IFT74: variants seen among roughly 807,000 people sequenced by gnomAD.
IFT74 encodes intraflagellar transport protein 74 homolog.
Under a neutral mutation model 96.7 loss-of-function variants are expected in IFT74, and 92 were observed. That is an observed-to-expected ratio of 0.95 (90% CI 0.80 to 1.13). The LOEUF (loss-of-function observed/expected upper bound fraction) is 1.13, where lower values mean the gene tolerates loss of function less well. IFT74 is among the 50% of genes most tolerant of loss of function. The pLI is 0.00. For synonymous variants in IFT74, 223 were observed against 213.2 expected (o/e 1.05, Z -0.40); for missense variants, 811 against 698.2 (o/e 1.16, Z -1.82).
At chr9:26,996,358 C>T (rs769999681) in intron 8 of IFT74, 5 of 1,606,706 alleles carry the variant, frequency 3.1e-6, no homozygotes, top group Non-Finnish European at 4.3e-6. Flanking sequence ...TATTGAATTG[C>T]TGATGGGCTG....
At chr9:27,035,697 TAC>T (rs1819142840) in intron 13 of IFT74, among the ~76,000 whole-genome samples, 2 of 152,248 alleles carry the variant, frequency 1.3e-5, no homozygotes, top group African/African-American at 4.8e-5. Context: ...TTATATACAG[TAC>T]TCTGTTGGAA....
At chr9:26,999,790 T>G (rs1234009499) in intron 8 of IFT74, 8 of 812,254 alleles carry the variant, frequency 9.8e-6, no homozygotes, top group Non-Finnish European at 1.5e-5. Context: ...TTTTTTTTTT[T>G]TGGCTGAGAC....
intron 2 of IFT74, among the ~76,000 whole-genome samples, chr9:26,973,422 C>G (rs1826964356): frequency 1.3e-5 from 2 of 152,136 alleles, no homozygotes; most frequent in African/African-American, 4.8e-5. Context: ...ATTGCTTTCT[C>G]CTTACTATGT....
At chr9:26,951,758 G>A (rs1424798137), upstream of IFT74, among the ~76,000 whole-genome samples, 1 of 152,124 alleles carries the variant, frequency 6.6e-6, no homozygotes. Context: ...AATTAGCCGG[G>A]TGTGGTGGTA....
At chr9:26,994,603 T>C (rs1225930870) in intron 8 of IFT74, 1 of 152,252 alleles carries the variant, frequency 6.6e-6, no homozygotes, top group East Asian at 1.9e-4. Flanking sequence ...GTTTTTCCTG[T>C]AGTAATTTGA....
rs1441587357 is a variant in IFT74, at chr9:26,984,316, A to G, written c.365A>G (p.Tyr122Cys). Residue 122 changes from tyrosine (Y) to cysteine (C), a missense_variant, in exon 5 of 20, where the codon TAC becomes TGC. Physicochemically the swap from Tyr to Cys is radical, Grantham distance 194. Coordinates refer to ENST00000380062, the MANE Select transcript of IFT74 (RefSeq NM_025103.4). ...VNKLQKGIEM[Y>C]NQENSVYLSY... ...AAACTTCAGAAGGGAATAGAAATGT[A>G]CAATCAAGAGAATTCAGTATATTTG... 2.5e-6 allele frequency: 4 copies of G among 1,583,438 alleles called. No homozygotes were observed. Among genetic ancestry groups the G allele is most frequent in the East Asian group, 4.5e-5 (2 of 44,486 alleles).
At chr9:26,972,987 T>TA (rs1024685750) in intron 2 of IFT74, among the ~76,000 whole-genome samples, 2 of 152,194 alleles carry the variant, frequency 1.3e-5, no homozygotes, top group Admixed American at 1.3e-4. Context: ...CTTTTTCTGA[T>TA]ACTCGTTCTA....
chr9:27,055,663 T>C lies in IFT74; in HGVS notation c.1388T>C (p.Met463Thr). The change falls in exon 17 of 20, where the codon ATG becomes ACG. Residue 463 changes from methionine (M) to threonine (T), a missense_variant. Coordinates refer to ENST00000380062, the MANE Select transcript of IFT74 (RefSeq NM_025103.4). ...LQKMELLESK[M>T]TEEQHSLKSK... ...AAAATGGAGCTTCTAGAAAGTAAGA[T>C]GACTGAAGAACAGCATTCTCTAAAA... 6.3e-7 allele frequency: 1 copy of C among 1,592,604 alleles called. No homozygotes were observed. Among genetic ancestry groups the C allele is most frequent in the Non-Finnish European group, 8.5e-7 (1 of 1,171,970 alleles).
chr9:27,016,486 C>T (rs1829349169), intron 10 of IFT74, among the ~76,000 whole-genome samples: 1 of 152,152 alleles, frequency 6.6e-6, no homozygotes, highest in African/African-American at 2.4e-5. Flanking sequence ...ATTCAACCCA[C>T]AAAATTGTGG....
At chr9:26,948,454 T>TATTATTATTATTA (rs1563926488) in intron 1 of IFT74, among the ~76,000 whole-genome samples, 1 of 33,498 alleles carries the variant, frequency 3.0e-5, no homozygotes, top group Non-Finnish European at 4.6e-5. Context: ...CATTATTTTT[T>TATTATTATTATTA]TTTTTTTTTT....
chr9:26,951,280 A>G (rs1825922827), intron 1 of IFT74, among the ~76,000 whole-genome samples: 1 of 152,246 alleles, frequency 6.6e-6, no homozygotes. Context: ...AATATGGTTC[A>G]GGGCTGGCAA....
intron 13 of IFT74, among the ~76,000 whole-genome samples, chr9:27,032,360 T>C (rs1339355148): frequency 6.6e-6 from 1 of 152,172 alleles, no homozygotes; most frequent in Non-Finnish European, 1.5e-5. Flanking sequence ...AAATTAGATG[T>C]GCATGTTCAA....
At chr9:27,062,303 T>C (rs766025063) in intron 19 of IFT74, among the ~76,000 whole-genome samples, 2 of 152,180 alleles carry the variant, frequency 1.3e-5, no homozygotes, top group African/African-American at 2.4e-5. Context: ...TGTATGTGTG[T>C]ATGTGTGTTT....
intron 7 of IFT74, 102 bp from the exon 8 acceptor site, chr9:26,990,032 A>T: frequency 1.9e-6 from 1 of 535,640 alleles, no homozygotes; most frequent in South Asian, 3.7e-5. Flanking sequence ...CACTAGGATA[A>T]TTATAGTAAT....
At chr9:27,054,017 A>C (rs1389927034) in intron 16 of IFT74, among the ~76,000 whole-genome samples, 1 of 152,248 alleles carries the variant, frequency 6.6e-6, no homozygotes, top group Non-Finnish European at 1.5e-5. Context: ...ATATTTTTAA[A>C]TAGTGTATGT....
chr9:27,042,294 A>G (rs1164091869), intron 13 of IFT74, among the ~76,000 whole-genome samples: 1 of 152,204 alleles, frequency 6.6e-6, no homozygotes, highest in African/African-American at 2.4e-5. Flanking sequence ...TTCATTAAGA[A>G]CAGAACTCTA....
At position 27,016,927 on chromosome 9, in the gene IFT74, G is replaced by A. The variant is rs1038527414; in HGVS notation, c.810G>A (p.Val270=). Residue 270 remains valine (V), a synonymous_variant, in exon 11 of 20, where the codon GTG becomes GTA. Coordinates refer to ENST00000380062, the MANE Select transcript of IFT74 (RefSeq NM_025103.4). ...SLEAEIAHSQ[V]KQEAVLLHEK... ...TTTAGGAAATAGCTCACTCCCAGGT[G>A]AAACAGGAGGCGGTATTGCTGCATG... The A allele has an allele frequency of 3.7e-6, 6 of 1,605,664 alleles. No individual in the cohort carries two copies. Among genetic ancestry groups the A allele is most frequent in the African/African-American group, 1.3e-5 (1 of 74,690 alleles).
upstream of IFT74, among the ~76,000 whole-genome samples, chr9:26,954,675 C>G (rs1435379021): frequency 6.6e-6 from 1 of 150,958 alleles, no homozygotes; most frequent in Admixed American, 6.6e-5. Flanking sequence ...ATGAACAGGA[C>G]TTTGGACAGT....
chr9:26,959,132 G>A (rs1049693566), intron 1 of IFT74, among the ~76,000 whole-genome samples: 3 of 147,892 alleles, frequency 2.0e-5, no homozygotes, highest in East Asian at 1.9e-4. Context: ...GTTTTGAGAC[G>A]GAGTCTCGCT....
Sources: allele counts gnomAD v4.1 joint callset (sites outside exome capture counted in the v4.1 genomes callset), GRCh38; gene constraint gnomAD v4.1.1; transcripts MANE v1.5; gene names NCBI Gene and HGNC (gene_info 2026-07-23, HGNC 2026-07-21).